The following CPNE2 variants were observed in gnomAD, a reference collection of about 807,000 sequenced individuals.
CPNE2 encodes copine 2.
In CPNE2, 42 loss-of-function variants were observed where a neutral mutation model predicts 69.7. That is an observed-to-expected ratio of 0.60 (90% confidence interval 0.47 to 0.78). CPNE2 has a LOEUF of 0.78. Ranked by LOEUF, CPNE2 falls within the 30% of genes least tolerant of loss-of-function variation. The pLI is 0.00. For synonymous variants in CPNE2, 294 were observed against 289.8 expected (o/e 1.01, Z -0.15); for missense variants, 587 against 732.0 (o/e 0.80, Z 2.29).
chr16:57,121,254 G>C, intron 8 of CPNE2, 63 bp downstream of exon 8: 1 of 1,467,808 alleles, frequency 6.8e-7, no homozygotes, highest in South Asian at 1.2e-5. Context: ...GGGGCACCGG[G>C]TCTTGGGTCA....
intron 14 of CPNE2, among the ~76,000 whole-genome samples, chr16:57,139,591 G>C (rs1238200625): frequency 6.6e-6 from 1 of 152,188 alleles, no homozygotes; most frequent in Non-Finnish European, 1.5e-5. Context: ...AGTTAGTTTG[G>C]CCTACACCCA....
chr16:57,114,794 A>G (rs4783973), intron 3 of CPNE2, among the ~76,000 whole-genome samples: 3 of 134,840 alleles, frequency 2.2e-5, no homozygotes, highest in Admixed American at 7.3e-5. Flanking sequence ...ACCTATTGAA[A>G]CCAATAAAAA....
intron 9 of CPNE2, among the ~76,000 whole-genome samples, chr16:57,122,014 A>C (rs1262769391): frequency 6.6e-6 from 1 of 152,252 alleles, no homozygotes; most frequent in African/African-American, 2.4e-5. Flanking sequence ...CAGGGAAGGC[A>C]CGAGCTGACC....
intron 4 of CPNE2, among the ~76,000 whole-genome samples, chr16:57,116,067 G>A (rs1401444506): frequency 1.3e-5 from 2 of 152,144 alleles, no homozygotes; most frequent in African/African-American, 4.8e-5. Flanking sequence ...GAGCCCACGC[G>A]ATGCCTGGGA....
chr16:57,137,720 A>G (rs913050461), intron 14 of CPNE2, among the ~76,000 whole-genome samples: 1 of 152,200 alleles, frequency 6.6e-6, no homozygotes, highest in African/African-American at 2.4e-5. Flanking sequence ...CTAGAGCCTC[A>G]CTGGCCCGGC....
intron 1 of CPNE2, among the ~76,000 whole-genome samples, chr16:57,104,880 C>T (rs2069638466): frequency 6.6e-6 from 1 of 152,162 alleles, no homozygotes; most frequent in Non-Finnish European, 1.5e-5. Flanking sequence ...AGGAGAGAGC[C>T]TGACAGCAAA....
intron 10 of CPNE2, chr16:57,124,572 T>C (rs578199430): frequency 1.2e-5 from 4 of 334,808 alleles, no homozygotes; most frequent in African/African-American, 2.2e-5. Flanking sequence ...TCATTTCTCG[T>C]TGGAAGAATG....
rs1337063831 is a variant in CPNE2 at position 57,110,799 on chromosome 16, C to T, written c.57C>T (p.Pro19=). 6.2e-7 allele frequency: 1 copy of T among 1,613,840 alleles called. No homozygotes were observed. The highest frequency in any genetic ancestry group is 1.7e-5 in the Admixed American group (1 of 60,000). The change falls in exon 2 of 16, where the codon CCC becomes CCT. Residue 19 remains proline (P), a synonymous_variant. Transcript: ENST00000290776. ...CAGCGGGGGCAGCCCCCATGGGCCC[C>T]CAGTATTGCGTGTGCAAGGTGGAGC... is the stretch of plus-strand genomic sequence containing the variant. ...APAAGAAPMG[P]QYCVCKVELS...
intron 1 of CPNE2, 59 bp from the exon 2 acceptor site, chr16:57,110,649 T>G: frequency 1.7e-6 from 2 of 1,154,720 alleles, no homozygotes; most frequent in South Asian, 3.9e-5. Flanking sequence ...TGCCTCCCTA[T>G]GGTGGGGCAG....
chr16:57,136,111 C>T (rs2069878915), intron 13 of CPNE2, among the ~76,000 whole-genome samples: 1 of 144,418 alleles, frequency 6.9e-6, no homozygotes, highest in Non-Finnish European at 1.5e-5. Context: ...AGGAAGAAAA[C>T]TCTGAGTGGA....
chr16:57,124,054 T>C, intron 10 of CPNE2: 1 of 181,402 alleles, frequency 5.5e-6, no homozygotes, highest in Non-Finnish European at 1.2e-5. Context: ...TGTCATATCT[T>C]CCTATTTTCT....
At chr16:57,124,160 C>G in intron 10 of CPNE2, 2 of 287,584 alleles carry the variant, frequency 7.0e-6, no homozygotes, top group South Asian at 6.1e-5. Flanking sequence ...CAGATCACTG[C>G]AGCCTCCACC....
intron 1 of CPNE2, among the ~76,000 whole-genome samples, chr16:57,102,752 C>T (rs1225484530): frequency 6.6e-6 from 1 of 152,102 alleles, no homozygotes; most frequent in East Asian, 1.9e-4. Context: ...CAGGCACCTA[C>T]CACCATGCCT....
At position 57,123,359 on chromosome 16, in the gene CPNE2, C is replaced by T. The variant is rs774691813; in HGVS notation, c.868-55C>T. 7 of 1,549,352 alleles carry T rather than the reference C, an allele frequency of 4.5e-6. No homozygotes were observed. In the Admixed American group the frequency reaches 8.3e-5, roughly 18 times the overall value. ...GCAGGACATAGAGCAACAACTCCCC[C>T]ATGGGGAGTGTGACCAAGTCAAGGG... On this transcript the variant is annotated intron_variant, in intron 9 of 15. Coordinates refer to ENST00000290776, the MANE Select transcript of CPNE2 (RefSeq NM_152727.6).
intron 1 of CPNE2, among the ~76,000 whole-genome samples, chr16:57,105,409 G>A (rs1327310903): frequency 6.6e-6 from 1 of 152,070 alleles, no homozygotes; most frequent in Non-Finnish European, 1.5e-5. Flanking sequence ...GACCCTGTGA[G>A]GGCTGAATCC....
chr16:57,110,957 G>A lies in CPNE2; in HGVS notation c.180+35G>A, dbSNP rs759378047. ...TTCCGTGTGTCTGCGGTGGGTAAGG[G>A]GGTGGCTAGGCTGCTGGGGAGGGGG... On this transcript the variant is annotated intron_variant, in intron 2 of 15. Transcript: ENST00000290776. 8.2e-6 allele frequency: 13 copies of A among 1,584,928 alleles called. No homozygotes were observed. In the South Asian group the frequency reaches 1.3e-4, roughly 15 times the overall value.
intron 3 of CPNE2, among the ~76,000 whole-genome samples, chr16:57,114,228 G>A (rs932393585): frequency 3.3e-5 from 5 of 152,180 alleles, no homozygotes; most frequent in African/African-American, 1.2e-4. Context: ...GAGAGCTTAA[G>A]GGCTTGTGGA....
chr16:57,135,536 A>G (rs2069872741), intron 13 of CPNE2, among the ~76,000 whole-genome samples: 1 of 151,938 alleles, frequency 6.6e-6, no homozygotes, highest in African/African-American at 2.4e-5. Flanking sequence ...GCATGGTGGC[A>G]TATGCCTGTG....
intron 14 of CPNE2, chr16:57,140,868 ATTT>A (rs55901819): frequency 0.12 from 10,716 of 86,174 alleles, 699 homozygotes; most frequent in East Asian, 0.26. Flanking sequence ...CCCGGCCGGG[ATTT>A]TTTTTTTTTT....
Sources: allele counts gnomAD v4.1 joint callset (sites outside exome capture counted in the v4.1 genomes callset), GRCh38; gene constraint gnomAD v4.1.1; transcripts MANE v1.5; gene names NCBI Gene and HGNC (gene_info 2026-07-23, HGNC 2026-07-21).